Variants in PPP2R1A observed in about 807,000 individuals in gnomAD.
PPP2R1A encodes the protein protein phosphatase 2 scaffold subunit Aalpha.
Under a neutral mutation model 67.1 loss-of-function variants are expected in PPP2R1A, and 15 were observed. That is an observed-to-expected ratio of 0.22 (90% CI 0.15 to 0.34). PPP2R1A has a LOEUF of 0.34. PPP2R1A is among the 10% of genes least tolerant of loss of function. The pLI, the probability that PPP2R1A is intolerant of heterozygous loss-of-function variation, is 1.00. For missense variants in PPP2R1A, 369 were observed against 775.0 expected (o/e 0.48, Z 6.22); for synonymous variants, 337 against 325.0 (o/e 1.04, Z -0.40).
chr19:52,194,665 T>C (rs1385564407), intron 1 of PPP2R1A, among the ~76,000 whole-genome samples: 1 of 151,984 alleles, frequency 6.6e-6, no homozygotes, highest in Non-Finnish European at 1.5e-5. Flanking sequence ...TGAGGGTGAC[T>C]GAAGTTTGAA....
rs747021987 is a variant in PPP2R1A, at chr19:52,215,981, T to TG, written c.923-22dup. ...TAGCACATCAGGTCTCACTTCCCTT[T>TG]GCCTCCCTCTCCCTGCCCACAGAGT... On this transcript the variant is annotated intron_variant, in intron 7 of 14. Coordinates refer to ENST00000322088, the MANE Select transcript of PPP2R1A (RefSeq NM_014225.6). 12 of 1,612,412 alleles carry TG rather than the reference T, an allele frequency of 7.4e-6. No individual in the cohort carries two copies. The African/African-American group carries it at 1.6e-4, about 22-fold the overall frequency.
chr19:52,205,417 A>G (rs1215196247), intron 2 of PPP2R1A, among the ~76,000 whole-genome samples: 1 of 152,128 alleles, frequency 6.6e-6, no homozygotes, highest in Admixed American at 6.5e-5. Flanking sequence ...ATTATAGCCT[A>G]TGTTAAGGAT....
At chr19:52,223,827 C>T (rs1979091297) in intron 13 of PPP2R1A, among the ~76,000 whole-genome samples, 1 of 152,162 alleles carries the variant, frequency 6.6e-6, no homozygotes, top group South Asian at 2.1e-4. Flanking sequence ...TTTGGTGAAG[C>T]TTGTTATACA....
intron 13 of PPP2R1A, among the ~76,000 whole-genome samples, chr19:52,225,011 C>CTTTTTT (rs61015844): frequency 6.9e-5 from 7 of 101,064 alleles, no homozygotes; most frequent in African/African-American, 1.3e-4. Context: ...TTGAGTTTAC[C>CTTTTTT]TTTTTTTTTT....
At chr19:52,206,206 A>G (rs1288370902) in intron 3 of PPP2R1A, 143 bp downstream of exon 3, 3 of 673,800 alleles carry the variant, frequency 4.5e-6, no homozygotes, top group African/African-American at 1.8e-5. Context: ...CTTTAATCCA[A>G]CAAGTCAGGA....
chr19:52,223,388 G>A (rs1374555138), intron 13 of PPP2R1A, among the ~76,000 whole-genome samples: 4 of 152,186 alleles, frequency 2.6e-5, no homozygotes, highest in Non-Finnish European at 4.4e-5. Context: ...TGATGGGTAA[G>A]TTGACCTTCT....
intron 1 of PPP2R1A, among the ~76,000 whole-genome samples, chr19:52,198,667 CT>C (rs1433840018): frequency 6.6e-6 from 1 of 152,116 alleles, no homozygotes; most frequent in Non-Finnish European, 1.5e-5. Context: ...ATCCTTTCCT[CT>C]TTGGTTTTTA....
At chr19:52,207,646 T>C (rs905951975) in intron 3 of PPP2R1A, among the ~76,000 whole-genome samples, 1 of 152,198 alleles carries the variant, frequency 6.6e-6, no homozygotes, top group Non-Finnish European at 1.5e-5. Flanking sequence ...TCAGAATAGC[T>C]TGTGCTTGCT....
In PPP2R1A at chr19:52,212,494, A is replaced by G; in HGVS notation, c.504-192A>G. On this transcript the variant is annotated intron_variant, in intron 4 of 14. Transcript: ENST00000322088. The surrounding 1 kb of genome is among the most constrained non-coding windows in gnomAD (Gnocchi z 4.1). ...TCTCACACACACTATTTTCATTTAA[A>G]CCTCATGCGGACCTGTGGGGTAGGT... is the stretch of plus-strand genomic sequence containing the variant. 1.6e-6 allele frequency: 1 copy of G among 621,280 alleles called. No individual in the cohort carries two copies. Among genetic ancestry groups the G allele is most frequent in the Non-Finnish European group, 2.8e-6 (1 of 361,634 alleles). The allele number at this position is 621,280 out of a possible 1,614,324, so 38.5% of individuals were successfully genotyped here. A position where few individuals can be genotyped will look rare whatever the true frequency, so the allele number is the denominator to read the frequency against.
At position 52,229,115 on chromosome 19, in the gene PPP2R1A, T is replaced by G. The variant is rs1353949322; in HGVS notation, c.*3134T>G. ...AGGGCTGGAGGGAAGGAGGCCAGGT[T>G]CATCTACCCAAGCTGGTGGCATGAG... On this transcript the variant is annotated 3_prime_UTR_variant, in exon 15 of 15. Coordinates refer to ENST00000322088, the MANE Select transcript of PPP2R1A (RefSeq NM_014225.6). 6.6e-6 allele frequency: 1 copy of G among 151,856 alleles called. No homozygotes were observed. Among genetic ancestry groups the G allele is most frequent in the Middle Eastern group, 3.2e-3 (1 of 314 alleles). 9.4% of individuals were successfully genotyped at this position (151,856 alleles called of 1,614,324 possible). A position where few individuals can be genotyped will look rare whatever the true frequency, so the allele number is the denominator to read the frequency against.
chr19:52,220,082 T>C lies in PPP2R1A; in HGVS notation c.1303-107T>C, dbSNP rs1978822319. 9 of 1,325,376 alleles carry C rather than the reference T, an allele frequency of 6.8e-6. No individual in the cohort carries two copies. The Admixed American group carries it at 1.1e-4, about 16-fold the overall frequency. The allele number at this position is 1,325,376 out of a possible 1,614,324, so 82.1% of individuals were successfully genotyped here. A position where few individuals can be genotyped will look rare whatever the true frequency, so the allele number is the denominator to read the frequency against. ...GAGCACCTCAGACAAAGTTGAGAAG[T>C]GTCCGGTCTTTCTAGGGTGGGTGTA... On this transcript the variant is annotated intron_variant, in intron 10 of 14. Coordinates refer to ENST00000322088, the MANE Select transcript of PPP2R1A (RefSeq NM_014225.6).
intron 13 of PPP2R1A, 21 bp from the exon 14 acceptor site, chr19:52,225,696 C>T (rs370853658): frequency 6.2e-7 from 1 of 1,610,316 alleles, no homozygotes; most frequent in African/African-American, 1.3e-5. Flanking sequence ...CTCTCTCTCC[C>T]TGTCTCCTTT....
At chr19:52,204,736 G>C (rs1410453770) in intron 2 of PPP2R1A, among the ~76,000 whole-genome samples, 1 of 152,222 alleles carries the variant, frequency 6.6e-6, no homozygotes, top group Non-Finnish European at 1.5e-5. Flanking sequence ...TAAGAACAGT[G>C]TAGCTGGAGT....
chr19:52,225,011 C>CTTTT (rs61015844), intron 13 of PPP2R1A, among the ~76,000 whole-genome samples: 79 of 101,070 alleles, frequency 7.8e-4, no homozygotes, highest in African/African-American at 1.6e-3. Flanking sequence ...TTGAGTTTAC[C>CTTTT]TTTTTTTTTT....
chr19:52,205,836 C>G (rs2089596226), intron 2 of PPP2R1A, 127 bp from the exon 3 acceptor site: 2 of 765,044 alleles, frequency 2.6e-6, no homozygotes, highest in Admixed American at 2.0e-5. Context: ...AGTGGGGGAG[C>G]AAGTGGGCGG....
intron 2 of PPP2R1A, among the ~76,000 whole-genome samples, chr19:52,202,469 G>A (rs764057839): frequency 2.0e-5 from 3 of 152,214 alleles, no homozygotes; most frequent in Non-Finnish European, 2.9e-5. Context: ...TGAGGATTGA[G>A]TTCATATAAA....
chr19:52,223,052 T>C (rs550737024), intron 13 of PPP2R1A, among the ~76,000 whole-genome samples: 1 of 152,294 alleles, frequency 6.6e-6, no homozygotes, highest in Non-Finnish European at 1.5e-5. Flanking sequence ...GACACCACAA[T>C]AATTAAAATA....
In PPP2R1A at chr19:52,225,761, A is replaced by C; in HGVS notation, c.1706A>C (p.Gln569Pro). 1 of 1,614,220 alleles carries C rather than the reference A, an allele frequency of 6.2e-7. No individual in the cohort carries two copies. Among genetic ancestry groups the C allele is most frequent in the Non-Finnish European group, 8.5e-7 (1 of 1,180,046 alleles). ...AAGCCCATCCTAGAGAAGCTGACCC[A>C]GGACCAGGATGTGGACGTCAAATAC... ...EVKPILEKLT[Q>P]DQDVDVKYFA... is the part of the protein sequence containing the mutation. Residue 569 changes from glutamine to proline, a missense_variant, in exon 14 of 15, where the codon CAG (glutamine) becomes CCG (proline). Physicochemically the swap from Gln to Pro is moderately conservative, Grantham distance 76 (BLOSUM62 -1). Around this residue, in one of 2 missense-constraint regions of PPP2R1A, gnomAD observed 276 missense variants for 508.4 expected, o/e 0.54. Coordinates refer to ENST00000322088, the MANE Select transcript of PPP2R1A (RefSeq NM_014225.6).
At chr19:52,191,921 G>A (rs1165110769) in intron 1 of PPP2R1A, among the ~76,000 whole-genome samples, 1 of 152,130 alleles carries the variant, frequency 6.6e-6, no homozygotes, top group African/African-American at 2.4e-5. Context: ...TGTGCAGGGC[G>A]CTGTTCTAAG....
Sources: allele counts gnomAD v4.1 joint callset (sites outside exome capture counted in the v4.1 genomes callset), GRCh38; gene constraint gnomAD v4.1.1; regional missense constraint gnomAD v4.1.1; non-coding constraint Gnocchi (gnomAD v3.1); transcripts MANE v1.5; gene names NCBI Gene and HGNC (gene_info 2026-07-23, HGNC 2026-07-21).